Variants in KLF13 observed in about 807,000 individuals in gnomAD.
KLF13 encodes the protein Krueppel-like factor 13.
A neutral mutation model predicts 16.7 loss-of-function variants in KLF13; 8 were observed. That is an observed-to-expected ratio of 0.48 (90% CI 0.28 to 0.87). KLF13 has a LOEUF of 0.87. KLF13 is among the 40% of genes least tolerant of loss of function. KLF13 has a pLI of 0.10. For missense variants in KLF13, 447 were observed against 452.2 expected, an observed-to-expected ratio of 0.99 and a Z score of 0.10; for synonymous variants, 245 against 208.4, an observed-to-expected ratio of 1.18 and a Z score of -1.51.
chr15:31,417,729 A>G (rs1229665431), intron 1 of KLF13, among the ~76,000 whole-genome samples: 1 of 151,720 alleles, frequency 6.6e-6, no homozygotes, highest in Admixed American at 6.6e-5. Context: ...TTTAGTAGAG[A>G]CAGGGTTTCA....
intron 1 of KLF13, among the ~76,000 whole-genome samples, chr15:31,350,971 G>C (rs936247100): frequency 2.4e-4 from 36 of 152,376 alleles, no homozygotes; most frequent in African/African-American, 8.2e-4. Flanking sequence ...CTGGGAGGGA[G>C]TGTGTGGATG....
At chr15:31,421,529 A>T (rs1357747399) in intron 1 of KLF13, among the ~76,000 whole-genome samples, 1 of 152,186 alleles carries the variant, frequency 6.6e-6, no homozygotes, top group South Asian at 2.1e-4. Context: ...GAGATGTAAA[A>T]TTTTTTATGT....
At position 31,372,460 on chromosome 15, in the gene KLF13, C is replaced by A. The variant is rs1334569282; in HGVS notation, c.*161C>A. 13 of 842,916 alleles carry A rather than the reference C, an allele frequency of 1.5e-5. No individual in the cohort carries two copies. The highest frequency in any genetic ancestry group is 1.8e-5 in the African/African-American group (1 of 56,170). 52.2% of individuals were successfully genotyped at this position (842,916 alleles called of 1,614,324 possible). On this transcript the variant is annotated 3_prime_UTR_variant, in exon 2 of 2. Coordinates refer to ENST00000307145, the MANE Select transcript of KLF13 (RefSeq NM_015995.4). Reference sequence around the variant, plus strand: ...AAATTTGTTAAAAAAACAAAAAAAACACAAAAATTTCAAAAAACACCACCC... The same window carrying A: ...AAATTTGTTAAAAAAACAAAAAAAAAACAAAAATTTCAAAAAACACCACCC...
At chr15:31,352,204 C>T (rs778041429) in intron 1 of KLF13, among the ~76,000 whole-genome samples, 7 of 152,206 alleles carry the variant, frequency 4.6e-5, no homozygotes, top group African/African-American at 1.7e-4. Context: ...CTCCCCTGGA[C>T]ACTGAGATCT....
At chr15:31,337,950 G>A (rs1252650900) in intron 1 of KLF13, among the ~76,000 whole-genome samples, 1 of 152,202 alleles carries the variant, frequency 6.6e-6, no homozygotes, top group Non-Finnish European at 1.5e-5. Flanking sequence ...GGCTGACAGA[G>A]CAGGAGCCTG....
downstream of KLF13, among the ~76,000 whole-genome samples, chr15:31,409,709 C>T (rs2040168684): frequency 1.3e-5 from 2 of 152,186 alleles, no homozygotes; most frequent in South Asian, 4.1e-4. Flanking sequence ...GCCATGCAAG[C>T]CAGATTACAA....
chr15:31,380,464 G>A (rs991242121), downstream of KLF13, among the ~76,000 whole-genome samples: 8 of 152,154 alleles, frequency 5.3e-5, no homozygotes, highest in African/African-American at 1.9e-4. Context: ...CAGAGGAAGG[G>A]CCACAGTGTT....
At chr15:31,352,956 G>A (rs888637299) in intron 1 of KLF13, among the ~76,000 whole-genome samples, 4 of 152,122 alleles carry the variant, frequency 2.6e-5, no homozygotes, top group African/African-American at 4.8e-5. Context: ...CCACCTCCCC[G>A]TCTGTATGCA....
intron 1 of KLF13, among the ~76,000 whole-genome samples, chr15:31,341,410 C>T (rs538871971): frequency 6.6e-6 from 1 of 151,994 alleles, no homozygotes; most frequent in African/African-American, 2.4e-5. Flanking sequence ...AAATTTCACC[C>T]CCTGCAGTAT....
chr15:31,327,712 A>T lies in KLF13; in HGVS notation c.500A>T (p.His167Leu). 1 of 1,538,726 alleles carries T rather than the reference A, an allele frequency of 6.5e-7. No individual in the cohort carries two copies. Among genetic ancestry groups the T allele is most frequent in the South Asian group, 1.2e-5 (1 of 86,444 alleles). The change falls in exon 1 of 2, where the codon CAC becomes CTC. Residue 167 changes from histidine (H) to leucine (L), a missense_variant. By Grantham distance (99) the His-to-Leu change is moderately conservative (BLOSUM62 -3). This residue lies in a region of KLF13 where 359 missense variants were observed against 282.8 expected (regional missense o/e 1.27). Coordinates refer to ENST00000307145, the MANE Select transcript of KLF13 (RefSeq NM_015995.4). ...GACCTCGAGTCCCCGCAGAGGAAGC[A>T]CAAGTGCCACTACGCGGGCTGCGAG... ...RADLESPQRK[H>L]KCHYAGCEKV...
downstream of KLF13, among the ~76,000 whole-genome samples, chr15:31,408,111 C>T (rs2040149618): frequency 6.6e-6 from 1 of 152,132 alleles, no homozygotes; most frequent in Non-Finnish European, 1.5e-5. Flanking sequence ...AATGGTACAT[C>T]TGGAAAACCC....
chr15:31,367,820 C>G (rs960729440), intron 1 of KLF13, among the ~76,000 whole-genome samples: 1 of 152,204 alleles, frequency 6.6e-6, no homozygotes, highest in Non-Finnish European at 1.5e-5. Flanking sequence ...TGTATGGACC[C>G]CCCGCATGAG....
chr15:31,361,220 C>T (rs767460333), intron 1 of KLF13, among the ~76,000 whole-genome samples: 3 of 152,140 alleles, frequency 2.0e-5, no homozygotes, highest in Non-Finnish European at 4.4e-5. Context: ...GGTGCCCCTG[C>T]TTGCTCCTCC....
At chr15:31,339,361 T>C (rs960713544) in intron 1 of KLF13, among the ~76,000 whole-genome samples, 1 of 152,132 alleles carries the variant, frequency 6.6e-6, no homozygotes, top group Non-Finnish European at 1.5e-5. Flanking sequence ...AATGTTTTAG[T>C]GATTCATTGA....
chr15:31,333,760 T>G (rs542455926), intron 1 of KLF13, among the ~76,000 whole-genome samples: 43 of 152,280 alleles, frequency 2.8e-4, no homozygotes, highest in African/African-American at 8.7e-4. Flanking sequence ...CTAGTTTCCC[T>G]TAGTTTAGGA....
At chr15:31,335,431 GTGTA>G (rs1284451339) in intron 1 of KLF13, among the ~76,000 whole-genome samples, 9 of 45,466 alleles carry the variant, frequency 2.0e-4, no homozygotes, top group African/African-American at 4.4e-4. Context: ...TTGTGTGTGT[GTGTA>G]TGTGTGTGTG....
intron 1 of KLF13, among the ~76,000 whole-genome samples, chr15:31,383,742 T>C (rs1314584629): frequency 6.6e-6 from 1 of 151,596 alleles, no homozygotes; most frequent in Admixed American, 6.6e-5. Flanking sequence ...CTACTAAAAA[T>C]GCAAAAAAAA....
rs142434822 is a variant in KLF13 at position 31,386,710 on chromosome 15, G to T, written n.224-48660G>T. Among the ~76,000 whole-genome samples, 7 of 152,340 alleles carry T rather than the reference G, an allele frequency of 4.6e-5. No individual in the cohort carries two copies. In the East Asian group the frequency reaches 1.2e-3, roughly 25 times the overall value. ...ATCCCATCTAGGACTTTCAAAGCTA[G>T]AGATAAGTCAATGGCTGGCTTTAAA... is the stretch of plus-strand genomic sequence containing the variant. On this transcript the variant is annotated intron_variant and non_coding_transcript_variant, in intron 1 of 1. Transcript: ENST00000558921.
Position 31,329,982 on chromosome 15 carries a change from A to ACAAC in KLF13, c.577+2193_577+2194insCAAC, listed in dbSNP as rs2038798510. 2.0e-5 allele frequency among the ~76,000 whole-genome samples: 3 copies of ACAAC among 152,164 alleles called. No homozygotes were observed. The East Asian group carries it at 5.8e-4, about 29-fold the overall frequency. Reference sequence around the variant, plus strand: ...GGTACCCCAGGTGACCCATTATGAGAGTTGAACTGCCCAGAAACCTGCCTC... The same window carrying ACAAC: ...GGTACCCCAGGTGACCCATTATGAGACAACGTTGAACTGCCCAGAAACCTGCCTC... On this transcript the variant is annotated intron_variant, in intron 1 of 1. Coordinates refer to ENST00000307145, the MANE Select transcript of KLF13 (RefSeq NM_015995.4).
Sources: allele counts gnomAD v4.1 joint callset (sites outside exome capture counted in the v4.1 genomes callset), GRCh38; gene constraint gnomAD v4.1.1; regional missense constraint gnomAD v4.1.1; transcripts MANE v1.5; gene names NCBI Gene and HGNC (gene_info 2026-07-23, HGNC 2026-07-21).